Variants in CCT6A observed in about 807,000 individuals in gnomAD.
The protein encoded by CCT6A is chaperonin containing TCP1 subunit 6A.
CCT6A carries 6 observed loss-of-function variants against 58.6 expected under a neutral mutation model. That is an observed-to-expected ratio of 0.10 (90% CI 0.06 to 0.20). The LOEUF (loss-of-function observed/expected upper bound fraction) is 0.20. Ranked by LOEUF, CCT6A falls within the 10% of genes least tolerant of loss-of-function variation. CCT6A has a pLI of 1.00. For synonymous variants in CCT6A, 245 were observed against 227.8 expected (o/e 1.08, Z -0.68); for missense variants, 516 against 648.8 (o/e 0.80, Z 2.22).
Position 56,051,967 on chromosome 7 carries a change from C to G in CCT6A, c.119C>G (p.Pro40Arg). ...LQDVLRTNLG[P>R]KGTMKMLVSG... is the part of the protein sequence containing the mutation. Reference sequence around the variant, plus strand: ...GACGTGCTAAGGACCAACCTGGGGCCCAAGGGCACCATGAAGATGTAAGGC... The same window carrying G: ...GACGTGCTAAGGACCAACCTGGGGCGCAAGGGCACCATGAAGATGTAAGGC... Residue 40 changes from proline to arginine, a missense_variant, in exon 1 of 14, where the codon CCC becomes CGC. Physicochemically the swap from Pro to Arg is moderately radical, Grantham distance 103. Transcript: ENST00000275603. 6.5e-7 allele frequency: 1 copy of G among 1,533,120 alleles called. No homozygotes were observed. The highest frequency in any genetic ancestry group is 8.8e-7 in the Non-Finnish European group (1 of 1,139,476). The allele number at this position is 1,533,120 out of a possible 1,614,324, so 95.0% of individuals were successfully genotyped here.
chr7:56,062,957 G>A (rs113613588), intron 13 of CCT6A, 56 bp from the exon 14 acceptor site: 1 of 1,395,052 alleles, frequency 7.2e-7, no homozygotes, highest in Non-Finnish European at 1.0e-6. Flanking sequence ...GTGGGAAGTT[G>A]AGTCGAATTA....
At chr7:56,061,955 T>G in intron 12 of CCT6A, 106 bp downstream of exon 12, 1 of 588,242 alleles carries the variant, frequency 1.7e-6, no homozygotes, top group Non-Finnish European at 3.0e-6. Flanking sequence ...ACCAGTGCTG[T>G]TAGGGAACTC....
At chr7:56,055,516 TC>T (rs1794287311) in intron 3 of CCT6A, 107 bp from the exon 4 acceptor site, 1 of 916,742 alleles carries the variant, frequency 1.1e-6, no homozygotes, top group Non-Finnish European at 1.7e-6. Flanking sequence ...TACCTCGTGT[TC>T]AAAGGTATGA....
rs1169510039 is a variant in CCT6A at position 56,063,708 on chromosome 7, AGAT to A, written c.*628_*630del. The A allele has an allele frequency of 1.9e-5, 3 of 157,370 alleles. No homozygotes were observed. The highest frequency in any genetic ancestry group is 1.9e-4 in the East Asian group (1 of 5,230). The allele number at this position is 157,370 out of a possible 1,614,324, so 9.7% of individuals were successfully genotyped here. ...AGGGCAAGAACAGGCAGAGGTAAAA[AGAT>A]GATGGAAGGTGTGGTGACTAAGGGC... On this transcript the variant is annotated 3_prime_UTR_variant, in exon 14 of 14. Coordinates refer to ENST00000275603, the MANE Select transcript of CCT6A (RefSeq NM_001762.4).
chr7:56,056,897 C>T (rs1423950743), intron 5 of CCT6A, among the ~76,000 whole-genome samples: 1 of 150,800 alleles, frequency 6.6e-6, no homozygotes, highest in Non-Finnish European at 1.5e-5. Flanking sequence ...CCCGGGTTCA[C>T]ACCATTCTCC....
At chr7:56,061,226 T>C (rs1009852187) in intron 11 of CCT6A, among the ~76,000 whole-genome samples, 2 of 152,222 alleles carry the variant, frequency 1.3e-5, no homozygotes, top group African/African-American at 2.4e-5. Context: ...TAAACTGATA[T>C]CATTGTTTTC....
chr7:56,060,624 T>C (rs1471061793), intron 10 of CCT6A, 183 bp from the exon 11 acceptor site: 11 of 951,506 alleles, frequency 1.2e-5, no homozygotes, highest in African/African-American at 1.1e-4. Flanking sequence ...TACTGATCTG[T>C]TGAAAGCTGC....
In CCT6A at chr7:56,063,696, G is replaced by A. The variant is rs578060675; in HGVS notation, c.*611G>A. 3 of 158,562 alleles carry A rather than the reference G, an allele frequency of 1.9e-5. No homozygotes were observed. The highest frequency in any genetic ancestry group is 6.3e-5 in the Admixed American group (1 of 15,936). 9.8% of individuals were successfully genotyped at this position (158,562 alleles called of 1,614,324 possible). ...CTGCAACTGTAAAGGGCAAGAACAG[G>A]CAGAGGTAAAAAGATGATGGAAGGT... On this transcript the variant is annotated 3_prime_UTR_variant, in exon 14 of 14. Coordinates refer to ENST00000275603, the MANE Select transcript of CCT6A (RefSeq NM_001762.4).
At chr7:56,052,793 CT>C (rs869050681) in intron 2 of CCT6A, among the ~76,000 whole-genome samples, 14 of 64,286 alleles carry the variant, frequency 2.2e-4, no homozygotes, top group Non-Finnish European at 3.2e-4. Flanking sequence ...CTTTTCTTTT[CT>C]TTTTTTTTTT....
Position 56,055,830 on chromosome 7 carries a change from G to A in CCT6A, c.510+33G>A, listed in dbSNP as rs368279676. 11 of 1,479,670 alleles carry A rather than the reference G, an allele frequency of 7.4e-6. No individual in the cohort carries two copies. The African/African-American group carries it at 1.1e-4, about 15-fold the overall frequency. 91.7% of individuals were successfully genotyped at this position (1,479,670 alleles called of 1,614,324 possible). A position where few individuals can be genotyped will look rare whatever the true frequency, so the allele number is the denominator to read the frequency against. On this transcript the variant is annotated intron_variant, in intron 4 of 13. Transcript: ENST00000275603. ...TTAAATTTTGTCTATGTCTGGTATA[G>A]TATACCTATATAGAAAATCTCTGAT...
intron 2 of CCT6A, 91 bp from the exon 3 acceptor site, chr7:56,054,278 G>A (rs1794257724): frequency 1.9e-6 from 2 of 1,047,348 alleles, no homozygotes; most frequent in Admixed American, 2.1e-5. Flanking sequence ...CAAGTAGATA[G>A]CACTCAAAGA....
Position 56,055,194 on chromosome 7 carries a change from A to C in CCT6A, c.337-430A>C, listed in dbSNP as rs560390268. Among the ~76,000 whole-genome samples the C allele has an allele frequency of 7.4e-4, 112 of 152,288 alleles. 1 individual carries two copies. Among genetic ancestry groups the C allele is most frequent in the African/African-American group, 2.6e-3 (108 of 41,562 alleles). On this transcript the variant is annotated intron_variant, in intron 3 of 13. Transcript: ENST00000275603. ...GAAGCTGAGGCAGGAGAATTGCTTG[A>C]ACCCAGGAGGTGGAGGTTGTGGTGA...
At position 56,056,349 on chromosome 7, in the gene CCT6A, T is replaced by C. The variant is rs1206188961; in HGVS notation, c.549T>C (p.Asp183=). 6 of 1,601,270 alleles carry C rather than the reference T, an allele frequency of 3.7e-6. No individual in the cohort carries two copies. The highest frequency in any genetic ancestry group is 4.3e-6 in the Non-Finnish European group (5 of 1,168,332). The change falls in exon 5 of 14, where the codon GAT becomes GAC. Residue 183 remains aspartate, a synonymous_variant. Transcript: ENST00000275603. ...VDSILAIKKQ[D]EPIDLFMIEI... Reference sequence around the variant, plus strand: ...CCATTTTGGCCATTAAAAAGCAAGATGAACCTATTGATCTCTTCATGATTG... The same window carrying C: ...CCATTTTGGCCATTAAAAAGCAAGACGAACCTATTGATCTCTTCATGATTG...
In CCT6A at chr7:56,063,913, T is replaced by G; in HGVS notation, c.*828T>G. 1 of 304,686 alleles carries G rather than the reference T, an allele frequency of 3.3e-6. No individual in the cohort carries two copies. The highest frequency in any genetic ancestry group is 6.1e-6 in the Non-Finnish European group (1 of 164,204). 18.9% of individuals were successfully genotyped at this position (304,686 alleles called of 1,614,324 possible). A position where few individuals can be genotyped will look rare whatever the true frequency, so the allele number is the denominator to read the frequency against. ...TCTGCAGTCCTTGAAGGTGAAGTTG[T>G]GTGTTACTAGGCTGTGTTTTGGGAT... On this transcript the variant is annotated 3_prime_UTR_variant, in exon 14 of 14. Coordinates refer to ENST00000275603, the MANE Select transcript of CCT6A (RefSeq NM_001762.4).
At position 56,061,837 on chromosome 7, in the gene CCT6A, G is replaced by A. The variant is rs1251414021; in HGVS notation, c.1438G>A (p.Asp480Asn). 1 of 1,587,514 alleles carries A rather than the reference G, an allele frequency of 6.3e-7. No individual in the cohort carries two copies. The highest frequency in any genetic ancestry group is 8.6e-7 in the Non-Finnish European group (1 of 1,162,392). ...HSESGQLVGVDLNTGEPMVAA... is the reference protein window; with the variant it reads ...HSESGQLVGVNLNTGEPMVAA... ...AGAATCAGGTCAGCTTGTGGGTGTG[G>A]ACCTGAACACAGGTAAGAGAATGCA... The change falls in exon 12 of 14, where the codon GAC (aspartate) becomes AAC (asparagine). Residue 480 changes from aspartate (D) to asparagine (N), a missense_variant. Physicochemically the swap from Asp to Asn is conservative, Grantham distance 23. Around this residue, in one of 3 missense-constraint regions of CCT6A, gnomAD observed 315 missense variants for 389.4 expected, o/e 0.81. Coordinates refer to ENST00000275603, the MANE Select transcript of CCT6A (RefSeq NM_001762.4).
At chr7:56,055,054 A>G (rs888682853) in intron 3 of CCT6A, among the ~76,000 whole-genome samples, 2 of 152,202 alleles carry the variant, frequency 1.3e-5, no homozygotes, top group African/African-American at 2.4e-5. Flanking sequence ...TGGGCGGATC[A>G]CCTGAGGTTG....
At chr7:56,056,673 G>C (rs1175066180) in intron 5 of CCT6A, among the ~76,000 whole-genome samples, 1 of 151,240 alleles carries the variant, frequency 6.6e-6, no homozygotes, top group Non-Finnish European at 1.5e-5. Context: ...AGTGAGCTGA[G>C]ACCACACCAT....
At chr7:56,054,120 A>G (rs1019772425) in intron 2 of CCT6A, among the ~76,000 whole-genome samples, 13 of 152,216 alleles carry the variant, frequency 8.5e-5, no homozygotes, top group African/African-American at 3.1e-4. Context: ...CATCTTGAGT[A>G]AACTTCTACT....
intron 5 of CCT6A, among the ~76,000 whole-genome samples, chr7:56,057,074 C>T (rs529024775): frequency 6.6e-6 from 1 of 151,936 alleles, no homozygotes; most frequent in African/African-American, 2.4e-5. Flanking sequence ...GGATTACAGG[C>T]GTGAGATGGC....
Sources: gnomAD v4.1 joint callset for allele counts (sites outside exome capture counted in the v4.1 genomes callset) on GRCh38, gnomAD v4.1.1 for gene constraint, gnomAD v4.1.1 regional missense constraint, MANE v1.5 for transcripts, NCBI Gene and HGNC (gene_info 2026-07-23, HGNC 2026-07-21) for gene names.